Variants in ANXA8 observed in about 807,000 individuals in gnomAD.
The protein encoded by ANXA8 is VAC-beta.
Under a neutral mutation model 26.8 loss-of-function variants are expected in ANXA8, and 9 were observed. The observed-to-expected ratio is 0.34, with a 90% CI of 0.20 to 0.59. ANXA8 has a LOEUF of 0.59. Ranked by LOEUF, ANXA8 falls within the 20% of genes least tolerant of loss-of-function variation. The probability of loss-of-function intolerance (pLI) is 0.84; values close to 1 mark genes in which losing one functional copy is unlikely to be tolerated. For synonymous variants in ANXA8, 39 were observed against 94.8 expected, an observed-to-expected ratio of 0.41 and a Z score of 3.42; for missense variants, 83 against 238.5, an observed-to-expected ratio of 0.35 and a Z score of 4.29.
chr10:47,944,083 A>C, the ANXA8 span, among the ~76,000 whole-genome samples: 1 of 147,008 alleles, frequency 6.8e-6, no homozygotes, highest in Admixed American at 6.7e-5. Flanking sequence ...CGTGGACAAC[A>C]TAAGTTTATT....
chr10:47,688,064 G>C, the ANXA8 span, among the ~76,000 whole-genome samples: 1 of 151,310 alleles, frequency 6.6e-6, no homozygotes, highest in South Asian at 2.1e-4. Flanking sequence ...TCGCGTCATT[G>C]CACTCCAGAC....
chr10:47,767,409 C>A, the ANXA8 span, among the ~76,000 whole-genome samples: 1 of 152,238 alleles, frequency 6.6e-6, no homozygotes, highest in Admixed American at 6.5e-5. Flanking sequence ...ACAGTCACTC[C>A]GACTGGCAGG....
chr10:47,530,580 C>A, the ANXA8 span, among the ~76,000 whole-genome samples: 1 of 151,218 alleles, frequency 6.6e-6, no homozygotes, highest in East Asian at 2.0e-4. Flanking sequence ...GTAATCCCAG[C>A]TACTCGGGAG....
At chr10:47,896,387 C>CATAATTACATAA in the ANXA8 span, among the ~76,000 whole-genome samples, 2 of 122,088 alleles carry the variant, frequency 1.6e-5, no homozygotes, top group Admixed American at 8.4e-5. Flanking sequence ...AATGTAACTT[C>CATAATTACATAA]TGAGCACATG....
chr10:47,767,490 C>T, the ANXA8 span, among the ~76,000 whole-genome samples: 1 of 152,162 alleles, frequency 6.6e-6, no homozygotes, highest in Admixed American at 6.5e-5. Context: ...TGCTCCCCTG[C>T]CTGGCAGGCC....
At chr10:47,700,989 G>A in the ANXA8 span, among the ~76,000 whole-genome samples, 1 of 151,422 alleles carries the variant, frequency 6.6e-6, no homozygotes, top group South Asian at 2.1e-4. Flanking sequence ...GGCTGAGGCA[G>A]GAGGATTGTT....
At chr10:47,659,433 G>A in the ANXA8 span, among the ~76,000 whole-genome samples, 20 of 151,662 alleles carry the variant, frequency 1.3e-4, 1 homozygote, top group African/African-American at 3.2e-4. Context: ...TAATCCCAGC[G>A]CTTTGGGAGG....
chr10:47,535,110 G>A, the ANXA8 span, among the ~76,000 whole-genome samples: 1 of 125,020 alleles, frequency 8.0e-6, no homozygotes, highest in African/African-American at 3.7e-5. Context: ...GGGTAGCTAA[G>A]ATCATGGGCG....
At chr10:47,517,295 C>CA in the ANXA8 span, among the ~76,000 whole-genome samples, 1 of 74,360 alleles carries the variant, frequency 1.3e-5, no homozygotes, top group Non-Finnish European at 2.3e-5. Flanking sequence ...TTTTTTGAGA[C>CA]AGAGTTTCGC....
the ANXA8 span, among the ~76,000 whole-genome samples, chr10:47,504,846 C>CT: frequency 0.053 from 2,480 of 46,850 alleles, 123 homozygotes; most frequent in Middle Eastern, 0.068. Flanking sequence ...CATAACTGTT[C>CT]TTTTTTTTTT....
At chr10:47,633,814 T>C in the ANXA8 span, among the ~76,000 whole-genome samples, 2 of 150,276 alleles carry the variant, frequency 1.3e-5, no homozygotes, top group East Asian at 3.9e-4. Flanking sequence ...CCCCCTGACA[T>C]CCCCCTAGTA....
the ANXA8 span, among the ~76,000 whole-genome samples, chr10:47,769,306 T>G: frequency 6.6e-6 from 1 of 150,738 alleles, no homozygotes; most frequent in African/African-American, 2.5e-5. Flanking sequence ...TCCCCTTCCT[T>G]TCCTCTGCTC....
the ANXA8 span, among the ~76,000 whole-genome samples, chr10:47,672,255 A>G: frequency 2.0e-5 from 3 of 150,370 alleles, no homozygotes; most frequent in Admixed American, 2.0e-4. Context: ...ATTGTGAAGA[A>G]TATCTGTAAT....
At chr10:47,475,170 C>T (rs1455540112) in intron 6 of ANXA8, among the ~76,000 whole-genome samples, 166 bp from the exon 7 acceptor site, 1 of 147,486 alleles carries the variant, frequency 6.8e-6, no homozygotes, top group Non-Finnish European at 1.5e-5. Flanking sequence ...CTCATTTGTA[C>T]AATGGGGGTG....
chr10:47,747,268 G>T, the ANXA8 span, among the ~76,000 whole-genome samples: 8 of 152,202 alleles, frequency 5.3e-5, no homozygotes, highest in South Asian at 2.1e-4. Flanking sequence ...AGCTGGAACT[G>T]AAGGGGCCAA....
the ANXA8 span, among the ~76,000 whole-genome samples, chr10:47,948,914 A>G: frequency 6.7e-6 from 1 of 150,228 alleles, no homozygotes; most frequent in Non-Finnish European, 1.5e-5. Flanking sequence ...TCCTGCAAGT[A>G]AGAGAGAATT....
chr10:47,506,458 GT>G, the ANXA8 span, among the ~76,000 whole-genome samples: 1 of 130,542 alleles, frequency 7.7e-6, no homozygotes, highest in Admixed American at 7.7e-5. Context: ...AGCCTCCCAA[GT>G]AACTGGGACT....
the ANXA8 span, chr10:47,565,431 CCTT>C: frequency 2.2e-6 from 1 of 460,000 alleles, no homozygotes; most frequent in African/African-American, 2.1e-5. Context: ...CTCAAGCCCT[CCTT>C]CTCTCTGGAC....
the ANXA8 span, among the ~76,000 whole-genome samples, chr10:47,607,968 T>A: frequency 7.0e-6 from 1 of 143,736 alleles, no homozygotes; most frequent in African/African-American, 2.8e-5. Flanking sequence ...AAAAATTTTA[T>A]TATTGTAGTT....
Sources: gnomAD v4.1 joint callset for allele counts (sites outside exome capture counted in the v4.1 genomes callset) on GRCh38, gnomAD v4.1.1 for gene constraint, MANE v1.5 for transcripts, NCBI Gene and HGNC (gene_info 2026-07-23, HGNC 2026-07-21) for gene names.